The following ANK1 variants were observed in gnomAD, a reference collection of about 807,000 sequenced individuals.
ANK1 encodes the protein ankyrin-1.
A neutral mutation model predicts 210.4 loss-of-function variants in ANK1; 51 were observed. That is an observed-to-expected ratio of 0.24 (90% CI 0.19 to 0.31). The LOEUF (loss-of-function observed/expected upper bound fraction) is 0.31. Ranked by LOEUF, ANK1 falls within the 10% of genes least tolerant of loss-of-function variation. ANK1 has a pLI of 1.00. For missense variants in ANK1, 2,051 were observed against 2,504.4 expected (o/e 0.82, Z 3.86); for synonymous variants, 967 against 1,025.9 (o/e 0.94, Z 1.10).
rs1180285985 is a variant in ANK1, at chr8:41,715,641, G to C, written c.1602+11C>G. 2 of 1,612,658 alleles carry C rather than the reference G, an allele frequency of 1.2e-6. No individual in the cohort carries two copies. The highest frequency in any genetic ancestry group is 1.7e-5 in the Admixed American group (1 of 60,020). On this transcript the variant is annotated intron_variant, in intron 14 of 42. Coordinates refer to ENST00000289734, the MANE Select transcript of ANK1 (RefSeq NM_000037.4). ...TGTTGCTTCCTTAGACCACGAGGCG[G>C]GAGGCTGTACCTTGGTCATGCAGGC...
intron 1 of ANK1, among the ~76,000 whole-genome samples, chr8:41,889,956 A>G (rs1276790050): frequency 6.6e-6 from 1 of 152,252 alleles, no homozygotes; most frequent in Non-Finnish European, 1.5e-5. Context: ...CTGAAAATGA[A>G]ATGAAGATAT....
chr8:41,729,026 C>T (rs1831445105), intron 3 of ANK1, among the ~76,000 whole-genome samples: 1 of 152,148 alleles, frequency 6.6e-6, no homozygotes, highest in East Asian at 1.9e-4. Context: ...TACCCACAGA[C>T]CACAAGCTGC....
At chr8:41,684,896 G>A (rs183551494) in intron 36 of ANK1, among the ~76,000 whole-genome samples, 1 of 152,194 alleles carries the variant, frequency 6.6e-6, no homozygotes, top group African/African-American at 2.4e-5. Flanking sequence ...AATGCTAACA[G>A]TGCGCAGTTA....
intron 1 of ANK1, among the ~76,000 whole-genome samples, chr8:41,768,954 AGAGT>A (rs1478054699): frequency 1.3e-5 from 2 of 152,200 alleles, no homozygotes; most frequent in African/African-American, 4.8e-5. Flanking sequence ...CCAGGTGACA[AGAGT>A]GAGACCCTGT....
At chr8:41,729,829 G>T (rs1051243477) in intron 3 of ANK1, among the ~76,000 whole-genome samples, 4 of 152,126 alleles carry the variant, frequency 2.6e-5, no homozygotes, top group Non-Finnish European at 5.9e-5. Context: ...CACTGCCTCT[G>T]GGGGTGGACT....
intron 2 of ANK1, among the ~76,000 whole-genome samples, chr8:41,742,722 G>A (rs1334269652): frequency 6.6e-6 from 1 of 152,180 alleles, no homozygotes; most frequent in African/African-American, 2.4e-5. Context: ...GGAAGGCACC[G>A]CAGTCCTAGA....
chr8:41,693,205 T>C lies in ANK1; in HGVS notation c.3533-4A>G. ...CACTGGGCTTGGTCTGTTCCTCCTG[T>C]AACAGCGGCAGAAATGGGGCTGGGG... On this transcript the variant is annotated splice_polypyrimidine_tract_variant and splice_region_variant and intron_variant, in intron 29 of 42. Coordinates refer to ENST00000289734, the MANE Select transcript of ANK1 (RefSeq NM_000037.4). 7 of 1,591,384 alleles carry C rather than the reference T, an allele frequency of 4.4e-6. No individual in the cohort carries two copies. The South Asian group carries it at 6.6e-5, about 15-fold the overall frequency.
At chr8:41,866,899 A>G (rs915391496) in intron 1 of ANK1, among the ~76,000 whole-genome samples, 3 of 152,234 alleles carry the variant, frequency 2.0e-5, no homozygotes, top group African/African-American at 7.2e-5. Flanking sequence ...GCTGTTGTTA[A>G]TAAGTCTGCA....
In ANK1 at chr8:41,778,978, T is replaced by G. The variant is rs548309662; in HGVS notation, c.27+18534A>C. Among the ~76,000 whole-genome samples, 3 of 151,992 alleles carry G rather than the reference T, an allele frequency of 2.0e-5. No individual in the cohort carries two copies. The East Asian group carries it at 5.8e-4, about 29-fold the overall frequency. On this transcript the variant is annotated intron_variant, in intron 1 of 42. Coordinates refer to ENST00000289734, the MANE Select transcript of ANK1 (RefSeq NM_000037.4). ...ATTTATCCCACAGGGAAGTGGTGAG[T>G]GCTAAGAGGAAAATCAAACGTGGAG...
chr8:41,690,397 C>T (rs751499290), intron 32 of ANK1, 51 bp from the exon 33 acceptor site: 30 of 1,614,102 alleles, frequency 1.9e-5, no homozygotes, highest in East Asian at 1.1e-4. Flanking sequence ...CTAGGCCACC[C>T]GGCTGTCTGG....
intron 34 of ANK1, 59 bp downstream of exon 34, chr8:41,688,452 G>A: frequency 1.3e-6 from 2 of 1,581,912 alleles, no homozygotes; most frequent in Non-Finnish European, 1.7e-6. Context: ...GGGGAGATGA[G>A]CTCACGCCCA....
At chr8:41,829,742 C>T (rs576100859) in intron 1 of ANK1, 1 of 152,214 alleles carries the variant, frequency 6.6e-6, no homozygotes, top group African/African-American at 2.4e-5. Context: ...CGAGACCGTC[C>T]TGGCTAACAC....
intron 1 of ANK1, among the ~76,000 whole-genome samples, chr8:41,856,874 C>CTTTTTTTTTTTTTT (rs35341809): frequency 2.7e-4 from 26 of 95,272 alleles, no homozygotes; most frequent in African/African-American, 1.2e-3. Flanking sequence ...TAACAGCCCT[C>CTTTTTTTTTTTTTT]TTTTTTTTTT....
chr8:41,701,740 G>A, intron 21 of ANK1, 118 bp from the exon 22 acceptor site: 1 of 1,087,780 alleles, frequency 9.2e-7, no homozygotes, highest in Non-Finnish European at 1.4e-6. Context: ...AAAACAGACG[G>A]AGGAGGCGCT....
In ANK1 at chr8:41,892,138, A is replaced by AACTTTCCTCCCTCCATCCC. The variant is rs553489176; in HGVS notation, c.126+4198_126+4216dup. On this transcript the variant is annotated intron_variant, in intron 1 of 42. Coordinates refer to the ANK1 transcript ENST00000265709. ...ATGGGCCAACATGATTCTAATGCTT[A>AACTTTCCTCCCTCCATCCC]ACTTTCCTCCCTCCATCCCACTTTC... 4.2e-4 allele frequency among the ~76,000 whole-genome samples: 64 copies of AACTTTCCTCCCTCCATCCC among 152,106 alleles called. 1 individual carries two copies. The East Asian group carries it at 9.9e-3, about 24-fold the overall frequency.
chr8:41,866,533 G>C (rs1436832416), intron 1 of ANK1, among the ~76,000 whole-genome samples: 3 of 152,180 alleles, frequency 2.0e-5, no homozygotes, highest in Non-Finnish European at 2.9e-5. Flanking sequence ...GGGACATTAA[G>C]TACATTCACA....
In ANK1 at chr8:41,672,959, C is replaced by T. The variant is rs1330076386; in HGVS notation, c.4538-47G>A. ...AACATGCTCCAGCAGTGATTCCTGTCCCACCCATTCACGTGCAGGTCCACG... is the reference window on the plus strand; with the variant it reads ...AACATGCTCCAGCAGTGATTCCTGTTCCACCCATTCACGTGCAGGTCCACG... On this transcript the variant is annotated intron_variant, in intron 37 of 42. Transcript: ENST00000289734. 12 of 1,543,204 alleles carry T rather than the reference C, an allele frequency of 7.8e-6. No homozygotes were observed. In the African/African-American group the frequency reaches 9.5e-5, roughly 12 times the overall value.
At chr8:41,730,985 G>A (rs974120406) in intron 3 of ANK1, among the ~76,000 whole-genome samples, 7 of 152,228 alleles carry the variant, frequency 4.6e-5, no homozygotes, top group African/African-American at 1.7e-4. Context: ...AGGAGGGGAA[G>A]GTCACCCTGT....
chr8:41,875,688 G>A (rs573208313), intron 1 of ANK1, among the ~76,000 whole-genome samples: 3 of 152,276 alleles, frequency 2.0e-5, no homozygotes, highest in African/African-American at 4.8e-5. Context: ...CCAAGCAGCT[G>A]GGAAGCCTCC....
Sources: gnomAD v4.1 joint callset for allele counts (sites outside exome capture counted in the v4.1 genomes callset) on GRCh38, gnomAD v4.1.1 for gene constraint, MANE v1.5 for transcripts, NCBI Gene and HGNC (gene_info 2026-07-23, HGNC 2026-07-21) for gene names.